PDGFRB: variants seen among roughly 807,000 people sequenced by gnomAD.
The protein encoded by PDGFRB is platelet derived growth factor receptor beta.
Under a neutral mutation model 120.2 loss-of-function variants are expected in PDGFRB, and 42 were observed. That is an observed-to-expected ratio of 0.35 (90% CI 0.27 to 0.45). The LOEUF is 0.45. Ranked by LOEUF, PDGFRB falls within the 20% of genes least tolerant of loss-of-function variation. The pLI is 1.00. For missense variants in PDGFRB, 1,149 were observed against 1,476.3 expected (o/e 0.78, Z 3.63); for synonymous variants, 586 against 606.8 (o/e 0.97, Z 0.50).
intron 20 of PDGFRB, among the ~76,000 whole-genome samples, chr5:150,119,203 A>T (rs973657691): frequency 1.3e-5 from 2 of 152,160 alleles, no homozygotes; most frequent in Non-Finnish European, 2.9e-5. Flanking sequence ...GGCACTATGG[A>T]GCAAGCAGTA....
chr5:150,115,655 G>T lies in PDGFRB; in HGVS notation c.*108C>A. On this transcript the variant is annotated 3_prime_UTR_variant, in exon 23 of 23. Coordinates refer to ENST00000261799, the MANE Select transcript of PDGFRB (RefSeq NM_002609.4). ...AGCAGAAAGCTTCCAGAAGGGGACA[G>T]CTGATAAGGGCAGCCTGGCTGACAG... 1.9e-6 allele frequency: 2 copies of T among 1,058,198 alleles called. No individual in the cohort carries two copies. The highest frequency in any genetic ancestry group is 2.6e-6 in the Non-Finnish European group (2 of 757,694). 65.6% of individuals were successfully genotyped at this position (1,058,198 alleles called of 1,614,324 possible). A position where few individuals can be genotyped will look rare whatever the true frequency, so the allele number is the denominator to read the frequency against.
chr5:150,138,556 C>T (rs1478431234), intron 1 of PDGFRB, among the ~76,000 whole-genome samples: 1 of 152,196 alleles, frequency 6.6e-6, no homozygotes, highest in Non-Finnish European at 1.5e-5. Flanking sequence ...CTCTTCTCCT[C>T]CCTCCTCCCT....
chr5:150,129,542 G>A (rs769256244), intron 10 of PDGFRB, among the ~76,000 whole-genome samples: 7 of 152,220 alleles, frequency 4.6e-5, no homozygotes, highest in Non-Finnish European at 8.8e-5. Flanking sequence ...TCATATCCAT[G>A]GCTTACAGAC....
At position 150,115,520 on chromosome 5, in the gene PDGFRB, A is replaced by C. The variant is rs1759900329; in HGVS notation, c.*243T>G. Reference sequence around the variant, plus strand: ...TGGGAAAACTGAGTTCCCTGGGGGAACCCTGGCTCAGAGTCAGTTGGCCTC... The same window carrying C: ...TGGGAAAACTGAGTTCCCTGGGGGACCCCTGGCTCAGAGTCAGTTGGCCTC... On this transcript the variant is annotated 3_prime_UTR_variant, in exon 23 of 23. Transcript: ENST00000261799. 1.6e-5 allele frequency: 6 copies of C among 383,872 alleles called. No homozygotes were observed. Among genetic ancestry groups the C allele is most frequent in the Non-Finnish European group, 2.3e-5 (5 of 217,384 alleles). The allele number at this position is 383,872 out of a possible 1,614,324, so 23.8% of individuals were successfully genotyped here. A position where few individuals can be genotyped will look rare whatever the true frequency, so the allele number is the denominator to read the frequency against.
intron 21 of PDGFRB, among the ~76,000 whole-genome samples, chr5:150,118,455 G>A (rs1038222015): frequency 4.6e-5 from 7 of 152,110 alleles, no homozygotes; most frequent in South Asian, 2.1e-4. Context: ...CCCACGGTTC[G>A]GTATGGAGGT....
At chr5:150,155,278 T>G (rs1761198655) in intron 1 of PDGFRB, 119 bp downstream of exon 1, 1 of 257,942 alleles carries the variant, frequency 3.9e-6, no homozygotes. Flanking sequence ...CTCATCTTGT[T>G]TTGTTAAAAA....
Position 150,125,499 on chromosome 5 carries a change from T to C in PDGFRB, c.1753A>G (p.Met585Val). ...CACGTGGAGTCATAGGGCAGCTGCA[T>C]GGGGTCCACGTAGATGTACTCATGG... ...DGHEYIYVDPMQLPYDSTWEL... is the reference protein window; with the variant it reads ...DGHEYIYVDPVQLPYDSTWEL... Residue 585 changes from methionine to valine, a missense_variant, in exon 12 of 23, where the codon ATG (methionine) becomes GTG (valine). Around this residue, in one of 3 missense-constraint regions of PDGFRB, gnomAD observed 879 missense variants for 1,108.6 expected, o/e 0.79. Coordinates refer to ENST00000261799, the MANE Select transcript of PDGFRB (RefSeq NM_002609.4). 3 of 1,613,516 alleles carry C rather than the reference T, an allele frequency of 1.9e-6. No individual in the cohort carries two copies. Among genetic ancestry groups the C allele is most frequent in the Non-Finnish European group, 2.5e-6 (3 of 1,179,542 alleles).
At chr5:150,146,796 A>G (rs1369584412) in intron 1 of PDGFRB, among the ~76,000 whole-genome samples, 1 of 152,210 alleles carries the variant, frequency 6.6e-6, no homozygotes, top group Non-Finnish European at 1.5e-5. Context: ...ATCTGTCCAC[A>G]GAGAAACGTT....
rs544807944 is a variant in PDGFRB at position 150,134,085 on chromosome 5, G to A, written c.632-77C>T. 4 of 1,290,108 alleles carry A rather than the reference G, an allele frequency of 3.1e-6. No individual in the cohort carries two copies. The East Asian group carries it at 6.9e-5, about 22-fold the overall frequency. 79.9% of individuals were successfully genotyped at this position (1,290,108 alleles called of 1,614,324 possible). On this transcript the variant is annotated intron_variant, in intron 4 of 22. Coordinates refer to ENST00000261799, the MANE Select transcript of PDGFRB (RefSeq NM_002609.4). Reference sequence around the variant, plus strand: ...CACTTCAGCTTGGGGATAGGGTAGGGGGCTAGAGAGGGAAAGGATGACTGA... The same window carrying A: ...CACTTCAGCTTGGGGATAGGGTAGGAGGCTAGAGAGGGAAAGGATGACTGA...
At chr5:150,146,544 T>C (rs1760927408) in intron 1 of PDGFRB, among the ~76,000 whole-genome samples, 1 of 152,110 alleles carries the variant, frequency 6.6e-6, no homozygotes, top group African/African-American at 2.4e-5. Flanking sequence ...CCAAAGCCTA[T>C]ATTCTTTCTT....
intron 14 of PDGFRB, 186 bp downstream of exon 14, chr5:150,124,064 T>C (rs1760220528): frequency 2.4e-6 from 1 of 423,458 alleles, no homozygotes; most frequent in Non-Finnish European, 4.2e-6. Context: ...CTTGAAGGTG[T>C]TGTGATTTTG....
intron 1 of PDGFRB, among the ~76,000 whole-genome samples, chr5:150,138,179 C>T (rs977847787): frequency 1.4e-4 from 22 of 152,174 alleles, no homozygotes; most frequent in Non-Finnish European, 2.8e-4. Flanking sequence ...GGACAGGGGT[C>T]GCAGAGCATG....
intron 1 of PDGFRB, among the ~76,000 whole-genome samples, chr5:150,137,629 C>T (rs895126023): frequency 3.3e-5 from 5 of 152,156 alleles, no homozygotes; most frequent in Non-Finnish European, 7.4e-5. Context: ...GGCCTGGACA[C>T]CTTTACTCAG....
rs2113893357 is a variant in PDGFRB, at chr5:150,123,283, A to G, written c.2024-82T>C. 4.6e-6 allele frequency: 5 copies of G among 1,082,538 alleles called. No homozygotes were observed. The South Asian group carries it at 6.7e-5, about 14-fold the overall frequency. 67.1% of individuals were successfully genotyped at this position (1,082,538 alleles called of 1,614,324 possible). A position where few individuals can be genotyped will look rare whatever the true frequency, so the allele number is the denominator to read the frequency against. On this transcript the variant is annotated intron_variant, in intron 14 of 22. Coordinates refer to ENST00000261799, the MANE Select transcript of PDGFRB (RefSeq NM_002609.4). ...GGCCATGAGGCTAATCAGGGGCTGG[A>G]TGTGGGAGAGACACTTTGGCATGAC... is the stretch of plus-strand genomic sequence containing the variant.
intron 10 of PDGFRB, 54 bp downstream of exon 10, chr5:150,129,703 C>A: frequency 6.9e-7 from 1 of 1,449,340 alleles, no homozygotes; most frequent in Admixed American, 1.7e-5. Flanking sequence ...ACCAATTAGG[C>A]AGGATTAAGG....
chr5:150,120,172 C>G lies in PDGFRB; in HGVS notation c.2587-49G>C, dbSNP rs1300909078. On this transcript the variant is annotated intron_variant, in intron 18 of 22. Coordinates refer to ENST00000261799, the MANE Select transcript of PDGFRB (RefSeq NM_002609.4). This position sits in a 1 kb window ranked among gnomAD's most constrained non-coding sequence, Gnocchi z 4.3. ...CTGAGTGCAAGGAAGGACCTCAGCC[C>G]CACTCTGCACCTGGGATGGGAGGAG... 6 of 814,628 alleles carry G rather than the reference C, an allele frequency of 7.4e-6. No homozygotes were observed. The highest frequency in any genetic ancestry group is 1.3e-5 in the Non-Finnish European group (6 of 451,866). The allele number at this position is 814,628 out of a possible 1,614,324, so 50.5% of individuals were successfully genotyped here.
At chr5:150,149,384 G>A (rs1251605748) in intron 1 of PDGFRB, among the ~76,000 whole-genome samples, 1 of 152,158 alleles carries the variant, frequency 6.6e-6, no homozygotes, top group Non-Finnish European at 1.5e-5. Context: ...GATGACTGCA[G>A]AGCATTAAAC....
At chr5:150,116,114 T>C (rs1759922676) in intron 22 of PDGFRB, among the ~76,000 whole-genome samples, 168 bp from the exon 23 acceptor site, 1 of 152,152 alleles carries the variant, frequency 6.6e-6, no homozygotes, top group African/African-American at 2.4e-5. Flanking sequence ...GAGGAAAGTG[T>C]GGCTCAGAGA....
chr5:150,130,201 C>T (rs1047936309), intron 9 of PDGFRB, among the ~76,000 whole-genome samples: 14 of 152,316 alleles, frequency 9.2e-5, no homozygotes, highest in East Asian at 5.8e-4. Flanking sequence ...GGTCACACGG[C>T]GTATGGGGTA....
Sources: gnomAD v4.1 joint callset for allele counts (sites outside exome capture counted in the v4.1 genomes callset) on GRCh38, gnomAD v4.1.1 for gene constraint, gnomAD v4.1.1 regional missense constraint, Gnocchi (gnomAD v3.1) non-coding constraint, MANE v1.5 for transcripts, NCBI Gene and HGNC (gene_info 2026-07-23, HGNC 2026-07-21) for gene names.